Variants in AMPH observed in about 807,000 individuals in gnomAD.
The protein encoded by AMPH is amphiphysin.
A neutral mutation model predicts 99.1 loss-of-function variants in AMPH; 49 were observed. That is an observed-to-expected ratio of 0.49 (90% CI 0.39 to 0.63). AMPH has a LOEUF of 0.63. Among genes scored for constraint, AMPH ranks in the 20% least tolerant of loss-of-function variants. The pLI is 0.00. For synonymous variants in AMPH, 314 were observed against 317.3 expected (o/e 0.99, Z 0.11); for missense variants, 759 against 863.4 (o/e 0.88, Z 1.52).
chr7:38,516,846 G>C (rs549809007), intron 2 of AMPH, among the ~76,000 whole-genome samples: 2 of 152,216 alleles, frequency 1.3e-5, no homozygotes, highest in Non-Finnish European at 2.9e-5. Context: ...TGTCAGTGTC[G>C]CCTGAATATG....
chr7:38,490,918 TTAAA>T, intron 5 of AMPH, 128 bp downstream of exon 5: 1 of 604,060 alleles, frequency 1.7e-6, no homozygotes, highest in South Asian at 2.5e-5. Context: ...AATCCCACGC[TTAAA>T]TAAATGAAAA....
Position 38,474,433 on chromosome 7 carries a change from G to A in AMPH, c.590+898C>T, listed in dbSNP as rs553336768. On this transcript the variant is annotated intron_variant, in intron 7 of 20. Transcript: ENST00000356264. ...ATATTTCAGTTCAGAGAGAAACACA[G>A]AGTGCCTTTTATTGGCAAAAATTAA... is the stretch of plus-strand genomic sequence containing the variant. Among the ~76,000 whole-genome samples, 4 of 152,224 alleles carry A rather than the reference G, an allele frequency of 2.6e-5. No homozygotes were observed. The South Asian group carries it at 8.3e-4, about 32-fold the overall frequency.
intron 1 of AMPH, among the ~76,000 whole-genome samples, chr7:38,543,517 A>G (rs955291126): frequency 6.6e-6 from 1 of 152,192 alleles, no homozygotes; most frequent in African/African-American, 2.4e-5. Context: ...ATTAGCTATG[A>G]CCTATGGAAA....
At chr7:38,457,788 C>A (rs1026486607) in intron 11 of AMPH, among the ~76,000 whole-genome samples, 1 of 152,296 alleles carries the variant, frequency 6.6e-6, no homozygotes, top group Non-Finnish European at 1.5e-5. Context: ...AAATAAAAGA[C>A]AGAATCCTAA....
chr7:38,501,239 G>A (rs982393500), intron 3 of AMPH, among the ~76,000 whole-genome samples: 4 of 152,248 alleles, frequency 2.6e-5, no homozygotes, highest in Admixed American at 2.6e-4. Flanking sequence ...CACCCAGGCT[G>A]GAGTGCAGTG....
intron 20 of AMPH, 39 bp from the exon 21 acceptor site, chr7:38,384,964 T>C (rs980012572): frequency 6.4e-7 from 1 of 1,560,954 alleles, no homozygotes; most frequent in Non-Finnish European, 8.8e-7. Context: ...TCCAGCAAAC[T>C]ACTGGAAAAT....
At chr7:38,598,490 G>A (rs1484477018) in intron 1 of AMPH, among the ~76,000 whole-genome samples, 1 of 152,112 alleles carries the variant, frequency 6.6e-6, no homozygotes, top group Non-Finnish European at 1.5e-5. Flanking sequence ...TTTTAGTAGA[G>A]ATGGGGTTTC....
chr7:38,482,899 C>T (rs781367451), intron 5 of AMPH, among the ~76,000 whole-genome samples: 10 of 152,020 alleles, frequency 6.6e-5, no homozygotes, highest in Non-Finnish European at 1.3e-4. Flanking sequence ...GACTCTCCTT[C>T]CCCACAAACA....
chr7:38,574,004 C>A (rs1314044613), intron 1 of AMPH, among the ~76,000 whole-genome samples: 1 of 152,114 alleles, frequency 6.6e-6, no homozygotes, highest in African/African-American at 2.4e-5. Context: ...GGACTGGAGT[C>A]CAGGTTCTAC....
intron 1 of AMPH, among the ~76,000 whole-genome samples, chr7:38,613,882 C>A (rs141430603): frequency 1.3e-5 from 2 of 151,978 alleles, no homozygotes; most frequent in Admixed American, 1.3e-4. Context: ...TGTAAGGAAC[C>A]CAGGATGCCA....
intron 14 of AMPH, chr7:38,428,588 T>G (rs1296121263): frequency 2.2e-6 from 1 of 456,610 alleles, no homozygotes; most frequent in Non-Finnish European, 4.4e-6. Flanking sequence ...TGGGAGTGTC[T>G]ATTGCATTTT....
intron 1 of AMPH, among the ~76,000 whole-genome samples, chr7:38,590,399 G>A (rs536990406): frequency 3.9e-5 from 6 of 152,282 alleles, no homozygotes; most frequent in South Asian, 2.1e-4. Flanking sequence ...ATTCAGCAGT[G>A]GTGGATGGTG....
At chr7:38,559,933 T>C (rs184627158) in intron 1 of AMPH, among the ~76,000 whole-genome samples, 1 of 152,318 alleles carries the variant, frequency 6.6e-6, no homozygotes, top group Admixed American at 6.5e-5. Context: ...ACCAGTCCAC[T>C]TGAAGCACAA....
chr7:38,537,009 T>C (rs913341778), intron 1 of AMPH, among the ~76,000 whole-genome samples: 1 of 152,198 alleles, frequency 6.6e-6, no homozygotes, highest in African/African-American at 2.4e-5. Context: ...ACTTTCTATA[T>C]TTTCCACAGT....
intron 1 of AMPH, among the ~76,000 whole-genome samples, chr7:38,622,181 CAGGAGCCCACT>C (rs1236575633): frequency 6.6e-6 from 1 of 152,108 alleles, no homozygotes; most frequent in Non-Finnish European, 1.5e-5. Context: ...GTCCCTTTTA[CAGGAGCCCACT>C]GGGCCACTTA....
At chr7:38,479,348 T>TC (rs35672005) in intron 5 of AMPH, among the ~76,000 whole-genome samples, 37,832 of 151,756 alleles carry the variant, frequency 0.25, 5,727 homozygotes, top group African/African-American at 0.39. Context: ...AATGAAAATA[T>TC]TTACAAAAGT....
intron 1 of AMPH, among the ~76,000 whole-genome samples, chr7:38,539,630 T>C (rs1790739235): frequency 6.6e-6 from 1 of 152,144 alleles, no homozygotes; most frequent in South Asian, 2.1e-4. Context: ...GATCCATCTC[T>C]CCTGTGGGGT....
intron 1 of AMPH, among the ~76,000 whole-genome samples, chr7:38,535,510 C>T (rs952740597): frequency 1.3e-5 from 2 of 152,138 alleles, no homozygotes; most frequent in South Asian, 2.1e-4. Context: ...CAGAGGGTGG[C>T]GGGGGGAATG....
chr7:38,418,116 G>T, intron 16 of AMPH, 166 bp from the exon 17 acceptor site: 2 of 605,100 alleles, frequency 3.3e-6, no homozygotes, highest in African/African-American at 1.9e-5. Context: ...GGCTTTTAGA[G>T]AATGGAAAAG....
Sources: allele counts gnomAD v4.1 joint callset (sites outside exome capture counted in the v4.1 genomes callset), GRCh38; gene constraint gnomAD v4.1.1; transcripts MANE v1.5; gene names NCBI Gene and HGNC (gene_info 2026-07-23, HGNC 2026-07-21).